KCTD2: variants seen among roughly 807,000 people sequenced by gnomAD.
KCTD2 encodes BTB/POZ domain-containing protein KCTD2.
In KCTD2, 18 loss-of-function variants were observed where a neutral mutation model predicts 27.9. The observed-to-expected ratio is 0.64, with a 90% CI of 0.45 to 0.96. The LOEUF is 0.96. KCTD2 is among the 40% of genes least tolerant of loss of function. The probability of loss-of-function intolerance (pLI) is 0.00; values close to 1 mark genes in which losing one functional copy is unlikely to be tolerated. For synonymous variants in KCTD2, 175 were observed against 148.4 expected (o/e 1.18, Z -1.30); for missense variants, 280 against 348.0 (o/e 0.80, Z 1.56).
At position 75,053,041 on chromosome 17, in the gene KCTD2, ACATC is replaced by A; in HGVS notation, c.477_480del (p.Asn159LysfsTer24). The A allele has an allele frequency of 6.2e-7, 1 of 1,614,170 alleles. No homozygotes were observed. The highest frequency in any genetic ancestry group is 8.5e-7 in the Non-Finnish European group (1 of 1,180,016). On this transcript the variant is annotated frameshift_variant, in exon 3 of 6. Coordinates refer to ENST00000322444, the MANE Select transcript of KCTD2 (RefSeq NM_015353.3). LOFTEE classifies it high-confidence loss of function. Reference sequence around the variant, plus strand: ...GTGCTGGAGGAAGCGGAGTTTTACAACATCGCGTCCCTTGTGCGGCTGGTTAAGG... The same window carrying A: ...GTGCTGGAGGAAGCGGAGTTTTACAAGCGTCCCTTGTGCGGCTGGTTAAGG...
Position 75,065,013 on chromosome 17 carries a change from G to C in KCTD2, c.*1966G>C, listed in dbSNP as rs573316479. ...TGATCAGCGTGGGCTGGAGCTCCTA[G>C]ACCAACCCCAGCTTTCTCACCAGGT... is the stretch of plus-strand genomic sequence containing the variant. On this transcript the variant is annotated 3_prime_UTR_variant, in exon 6 of 6. Transcript: ENST00000322444. 5.9e-5 allele frequency: 9 copies of C among 152,344 alleles called. No individual in the cohort carries two copies. Among genetic ancestry groups the C allele is most frequent in the African/African-American group, 2.2e-4 (9 of 41,552 alleles). The allele number at this position is 152,344 out of a possible 1,614,324, so 9.4% of individuals were successfully genotyped here. A position where few individuals can be genotyped will look rare whatever the true frequency, so the allele number is the denominator to read the frequency against.
At chr17:75,035,852 CAAACA>C (rs1363919847) in intron 3 of KCTD2, among the ~76,000 whole-genome samples, 1 of 151,828 alleles carries the variant, frequency 6.6e-6, no homozygotes, top group Non-Finnish European at 1.5e-5. Context: ...AACAAACAAA[CAAACA>C]AAAAACTCCA....
At position 75,063,694 on chromosome 17, in the gene KCTD2, C is replaced by T. The variant is rs1184995616; in HGVS notation, c.*647C>T. The T allele has an allele frequency of 6.6e-6, 1 of 152,498 alleles. No individual in the cohort carries two copies. Among genetic ancestry groups the T allele is most frequent in the Non-Finnish European group, 1.5e-5 (1 of 68,274 alleles). The allele number at this position is 152,498 out of a possible 1,614,324, so 9.4% of individuals were successfully genotyped here. A position where few individuals can be genotyped will look rare whatever the true frequency, so the allele number is the denominator to read the frequency against. On this transcript the variant is annotated 3_prime_UTR_variant, in exon 6 of 6. Coordinates refer to ENST00000322444, the MANE Select transcript of KCTD2 (RefSeq NM_015353.3). ...TGATCATTGCTCTGGATTTGGGGCTCCCGGCTGCCACCACATGCAGCTTTG... is the reference window on the plus strand; with the variant it reads ...TGATCATTGCTCTGGATTTGGGGCTTCCGGCTGCCACCACATGCAGCTTTG...
chr17:75,039,537 G>T (rs961823876), intron 3 of KCTD2: 1 of 453,316 alleles, frequency 2.2e-6, no homozygotes, highest in Non-Finnish European at 4.0e-6. Context: ...CAGAATGCCT[G>T]TTTTCACAGG....
At position 75,040,142 on chromosome 17, in the gene KCTD2, C is replaced by T. The variant is rs760553279; in HGVS notation, c.-259+4785C>T. The stretch of plus-strand genomic sequence containing the variant: ...TGGGCAGTATATTTATCCTCTGGCA[C>T]GGGAACCTTCAGCGCATTAAACTAC... On this transcript the variant is annotated intron_variant, in intron 3 of 7. Transcript: ENST00000581589. 2.5e-6 allele frequency: 4 copies of T among 1,611,608 alleles called. No homozygotes were observed. Among genetic ancestry groups the T allele is most frequent in the Admixed American group, 1.7e-5 (1 of 59,864 alleles).
At chr17:75,038,866 A>G (rs2073128229) in intron 3 of KCTD2, 1 of 1,520,712 alleles carries the variant, frequency 6.6e-7, no homozygotes, top group Non-Finnish European at 8.9e-7. Flanking sequence ...CCAGAACTGT[A>G]TAATTATTAT....
At chr17:75,052,850 C>T (rs966606608) in intron 2 of KCTD2, among the ~76,000 whole-genome samples, 164 bp from the exon 3 acceptor site, 1 of 152,114 alleles carries the variant, frequency 6.6e-6, no homozygotes, top group East Asian at 1.9e-4. Context: ...GCCAAGATCG[C>T]ACCACTGAAC....
rs1050482058 is a variant in KCTD2 at position 75,035,152 on chromosome 17, C to CT, written c.-384-80_-384-79insT. On this transcript the variant is annotated intron_variant, in intron 2 of 7. Transcript: ENST00000581589. The stretch of plus-strand genomic sequence containing the variant: ...ATGGATAAGGCGTCTGACTTCGGAT[C>CT]AGAAGATTGAGGGTTCGAGTCCCTT... 7 of 152,098 alleles carry CT rather than the reference C, an allele frequency of 4.6e-5. No homozygotes were observed. In the South Asian group the frequency reaches 6.2e-4, roughly 14 times the overall value. 9.4% of individuals were successfully genotyped at this position (152,098 alleles called of 1,614,324 possible).
chr17:75,042,757 C>A, upstream of KCTD2: 1 of 1,242,722 alleles, frequency 8.0e-7, no homozygotes. Flanking sequence ...TAGAGAGAAT[C>A]CTTTAAATCT....
intron 3 of KCTD2, chr17:75,039,286 A>C (rs1293026283): frequency 6.2e-7 from 1 of 1,613,574 alleles, no homozygotes; most frequent in South Asian, 1.1e-5. Context: ...AAGAAGAAAG[A>C]GAAATTCAGT....
chr17:75,041,244 A>T (rs1342780761), intron 3 of KCTD2: 1 of 151,242 alleles, frequency 6.6e-6, no homozygotes, highest in Non-Finnish European at 1.5e-5. Context: ...GGTCCCAGTT[A>T]CTCGGGGGGA....
At chr17:75,060,721 G>T in intron 4 of KCTD2, 2 of 843,294 alleles carry the variant, frequency 2.4e-6, no homozygotes, top group Non-Finnish European at 3.5e-6. Flanking sequence ...TCGCCACCCT[G>T]GGATCAACCG....
chr17:75,053,334 C>T (rs538877949), intron 3 of KCTD2, among the ~76,000 whole-genome samples: 4 of 152,248 alleles, frequency 2.6e-5, no homozygotes, highest in Admixed American at 1.3e-4. Flanking sequence ...CGCTGCTTAC[C>T]AGATGGCGGG....
intron 5 of KCTD2, 27 bp downstream of exon 5, chr17:75,062,272 G>A: frequency 6.3e-7 from 1 of 1,596,752 alleles, no homozygotes; most frequent in Non-Finnish European, 8.5e-7. Flanking sequence ...CTGGGCAGTT[G>A]CCTCTGGCTT....
intron 4 of KCTD2, among the ~76,000 whole-genome samples, chr17:75,060,039 G>A (rs187491227): frequency 9.9e-5 from 15 of 152,038 alleles, no homozygotes; most frequent in Non-Finnish European, 1.9e-4. Flanking sequence ...GCTGTGCTAG[G>A]AAGGATCAGG....
intron 3 of KCTD2, among the ~76,000 whole-genome samples, chr17:75,035,859 A>G (rs1040777800): frequency 4.6e-5 from 7 of 151,848 alleles, no homozygotes; most frequent in Non-Finnish European, 7.4e-5. Context: ...AAACAAACAA[A>G]AAACTCCAGT....
At chr17:75,035,798 A>T (rs1231577209) in intron 3 of KCTD2, among the ~76,000 whole-genome samples, 1 of 152,118 alleles carries the variant, frequency 6.6e-6, no homozygotes, top group Non-Finnish European at 1.5e-5. Flanking sequence ...GCGCCACTGC[A>T]CTCCAGCCTG....
At chr17:75,040,768 C>T (rs896246145) in intron 3 of KCTD2, 1 of 152,240 alleles carries the variant, frequency 6.6e-6, no homozygotes, top group Non-Finnish European at 1.5e-5. Flanking sequence ...CACCTGTAGT[C>T]CCAGCTACAT....
Position 75,047,474 on chromosome 17 carries a change from G to T in KCTD2, c.224G>T (p.Arg75Met). 6.3e-7 allele frequency: 1 copy of T among 1,591,268 alleles called. No homozygotes were observed. Among genetic ancestry groups the T allele is most frequent in the East Asian group, 2.4e-5 (1 of 41,410 alleles). The change falls in exon 1 of 6, where the codon AGG becomes ATG. Residue 75 changes from arginine (R) to methionine (M), a missense_variant. Transcript: ENST00000322444. ...AGGGGAARWV[R>M]LNVGGTYFVT... ...GGCGGCGGCGCGGCCCGCTGGGTCA[G>T]GCTGAACGTGGGAGGCACCTACTTC...
Sources: allele counts gnomAD v4.1 joint callset (sites outside exome capture counted in the v4.1 genomes callset), GRCh38; gene constraint gnomAD v4.1.1; transcripts MANE v1.5; gene names NCBI Gene and HGNC (gene_info 2026-07-23, HGNC 2026-07-21).